The following MRPL15 variants were observed in gnomAD, a reference collection of about 807,000 sequenced individuals.
MRPL15 encodes large ribosomal subunit protein uL15m.
In MRPL15, 24 loss-of-function variants were observed where a neutral mutation model predicts 28.0. That is an observed-to-expected ratio of 0.86 (90% CI 0.62 to 1.21). The LOEUF is 1.21. MRPL15 is among the 50% of genes most tolerant of loss of function. The pLI, the probability that MRPL15 is intolerant of heterozygous loss-of-function variation, is 0.00. For missense variants in MRPL15, 343 were observed against 372.4 expected (o/e 0.92, Z 0.65); for synonymous variants, 124 against 137.0 (o/e 0.90, Z 0.66).
chr8:54,147,957 G>T lies in MRPL15; in HGVS notation c.*238G>T. 1 of 422,194 alleles carries T rather than the reference G, an allele frequency of 2.4e-6. No individual in the cohort carries two copies. The allele number at this position is 422,194 out of a possible 1,614,324, so 26.2% of individuals were successfully genotyped here. ...ACAAACTCCCTGATAGTCTATGGAA[G>T]GAAAATGACAACTATTTTAGAATAT... is the stretch of plus-strand genomic sequence containing the variant. On this transcript the variant is annotated 3_prime_UTR_variant, in exon 5 of 5. Transcript: ENST00000260102.
At chr8:54,146,794 T>A (rs1183638461) in intron 4 of MRPL15, among the ~76,000 whole-genome samples, 2 of 152,226 alleles carry the variant, frequency 1.3e-5, no homozygotes, top group Non-Finnish European at 2.9e-5. Context: ...GTAGGCCTTT[T>A]TTTCACTATC....
intron 4 of MRPL15, 81 bp downstream of exon 4, chr8:54,142,867 C>T (rs1172409750): frequency 5.1e-6 from 8 of 1,561,484 alleles, no homozygotes; most frequent in Non-Finnish European, 7.0e-6. Flanking sequence ...TAGTGAATGG[C>T]AAATGTTGGT....
At chr8:54,135,530 C>T (rs1298272749) in intron 1 of MRPL15, 139 bp downstream of exon 1, 8 of 543,892 alleles carry the variant, frequency 1.5e-5, no homozygotes, top group African/African-American at 9.9e-5. Context: ...CCTGTTCTCC[C>T]TTACTGCCCA....
At chr8:54,141,097 G>T (rs1434439629) in intron 3 of MRPL15, among the ~76,000 whole-genome samples, 2 of 152,020 alleles carry the variant, frequency 1.3e-5, no homozygotes, top group Admixed American at 1.3e-4. Flanking sequence ...TTAACCTCCT[G>T]CTGGCCTCTT....
rs1374148213 is a variant in MRPL15, at chr8:54,147,949, C to T, written c.*230C>T. On this transcript the variant is annotated 3_prime_UTR_variant, in exon 5 of 5. Transcript: ENST00000260102. ...TCAAAGATACAAACTCCCTGATAGT[C>T]TATGGAAGGAAAATGACAACTATTT... The T allele has an allele frequency of 5.0e-5, 22 of 444,086 alleles. No homozygotes were observed. Among genetic ancestry groups the T allele is most frequent in the Non-Finnish European group, 4.0e-5 (10 of 251,642 alleles). 27.5% of individuals were successfully genotyped at this position (444,086 alleles called of 1,614,324 possible). A position where few individuals can be genotyped will look rare whatever the true frequency, so the allele number is the denominator to read the frequency against.
rs1317030133 is a variant in MRPL15, at chr8:54,147,420, C to A, written c.592C>A (p.Gln198Lys). The change falls in exon 5 of 5, where the codon CAA becomes AAA. Residue 198 changes from glutamine to lysine, a missense_variant. Physicochemically the swap from Gln to Lys is moderately conservative, Grantham distance 53 (BLOSUM62 1). Coordinates refer to ENST00000260102, the MANE Select transcript of MRPL15 (RefSeq NM_014175.4). ...CKPVPFFLRG[Q>K]PIPKRMLPPE... ...ACCTGTTCCATTCTTTCTTCGTGGA[C>A]AACCCATTCCAAAAAGAATGCTTCC... 6.2e-7 allele frequency: 1 copy of A among 1,613,322 alleles called. No individual in the cohort carries two copies. The highest frequency in any genetic ancestry group is 8.5e-7 in the Non-Finnish European group (1 of 1,179,602).
intron 4 of MRPL15, among the ~76,000 whole-genome samples, chr8:54,145,889 C>G (rs1424420754): frequency 6.6e-6 from 1 of 152,198 alleles, no homozygotes; most frequent in Admixed American, 6.5e-5. Context: ...AGAGCATGAC[C>G]TGGCTTTAGG....
At position 54,147,511 on chromosome 8, in the gene MRPL15, A is replaced by G. The variant is rs935790007; in HGVS notation, c.683A>G (p.Lys228Arg). The G allele has an allele frequency of 1.2e-6, 2 of 1,614,064 alleles. No homozygotes were observed. Among genetic ancestry groups the G allele is most frequent in the African/African-American group, 1.3e-5 (1 of 74,920 alleles). The change falls in exon 5 of 5, where the codon AAA becomes AGA. Residue 228 changes from lysine to arginine, a missense_variant. Lys to Arg is a conservative substitution (Grantham distance 26). Coordinates refer to ENST00000260102, the MANE Select transcript of MRPL15 (RefSeq NM_014175.4). Reference protein sequence around the residue: ...KNRGYLADPAKFPEARLELAR... With the variant: ...KNRGYLADPARFPEARLELAR... The stretch of plus-strand genomic sequence containing the variant: ...CGTGGGTACCTGGCGGATCCTGCCA[A>G]ATTTCCTGAAGCACGACTTGAACTC...
chr8:54,135,943 C>G (rs535870762), intron 1 of MRPL15, among the ~76,000 whole-genome samples: 2 of 152,276 alleles, frequency 1.3e-5, no homozygotes, highest in East Asian at 3.9e-4. Context: ...AAATGTTTTC[C>G]CGGTGTATCT....
chr8:54,143,859 C>G (rs1810972843), intron 4 of MRPL15, among the ~76,000 whole-genome samples: 1 of 152,228 alleles, frequency 6.6e-6, no homozygotes, highest in African/African-American at 2.4e-5. Flanking sequence ...CTCTGCTGTT[C>G]CTCCTGCCTG....
chr8:54,135,301 G>T lies in MRPL15; in HGVS notation c.18G>T (p.Gln6His), dbSNP rs1330241198. 2.8e-6 allele frequency: 4 copies of T among 1,407,236 alleles called. No homozygotes were observed. The African/African-American group carries it at 6.0e-5, about 21-fold the overall frequency. 87.2% of individuals were successfully genotyped at this position (1,407,236 alleles called of 1,614,324 possible). ...TGCGGGTTATGGCCGGTCCCTTGCA[G>T]GGCGGTGGGGCCCGGGCCCTGGACC... MAGPLQGGGARALDLL... is the reference protein window; with the variant it reads MAGPLHGGGARALDLL... The change falls in exon 1 of 5, where the codon CAG becomes CAT. Residue 6 changes from glutamine (Q) to histidine (H), a missense_variant. Gln to His is a conservative substitution (Grantham distance 24). Transcript: ENST00000260102.
intron 3 of MRPL15, among the ~76,000 whole-genome samples, chr8:54,138,164 C>T (rs926595961): frequency 6.6e-6 from 1 of 151,692 alleles, no homozygotes; most frequent in Non-Finnish European, 1.5e-5. Context: ...CCATATTGGC[C>T]AAGCTGGTCT....
rs1586221233 is a variant in MRPL15, at chr8:54,148,496, G to A, written c.*777G>A. ...CTAGTAGAAGTCATGGGTCACGGAA[G>A]AGAACTGTGGAACCCAGTGACTAGT... On this transcript the variant is annotated 3_prime_UTR_variant, in exon 5 of 5. Coordinates refer to ENST00000260102, the MANE Select transcript of MRPL15 (RefSeq NM_014175.4). 6.6e-6 allele frequency among the ~76,000 whole-genome samples: 1 copy of A among 152,216 alleles called. No individual in the cohort carries two copies. The highest frequency in any genetic ancestry group is 2.4e-5 in the African/African-American group (1 of 41,468).
chr8:54,137,129 C>T (rs894069653), intron 2 of MRPL15, 139 bp from the exon 3 acceptor site: 2 of 803,476 alleles, frequency 2.5e-6, no homozygotes, highest in Non-Finnish European at 3.9e-6. Context: ...AGCAGTATTA[C>T]ATGTTTGTGT....
At position 54,146,134 on chromosome 8, in the gene MRPL15, C is replaced by T. The variant is rs775435789; in HGVS notation, c.554-1248C>T. ...GATACTGTTCCAGCTGATGGAGAGA[C>T]GATAGTGCAAGAGTCAAAAGTCCTT... On this transcript the variant is annotated intron_variant, in intron 4 of 4. Transcript: ENST00000260102. Among the ~76,000 whole-genome samples, 9 of 151,126 alleles carry T rather than the reference C, an allele frequency of 6.0e-5. No homozygotes were observed. The South Asian group carries it at 6.2e-4, about 10-fold the overall frequency.
chr8:54,142,707 G>T lies in MRPL15; in HGVS notation c.474G>T (p.Leu158Phe). 6.2e-7 allele frequency: 1 copy of T among 1,614,020 alleles called. No homozygotes were observed. Among genetic ancestry groups the T allele is most frequent in the African/African-American group, 1.3e-5 (1 of 75,012 alleles). ...CAAAAGTTAATATTGAAGTACAGTT[G>T]GCTTCAGAACTAGCTATTGCTGCCA... ...FTAKVNIEVQ[L>F]ASELAIAAIE... Residue 158 changes from leucine to phenylalanine, a missense_variant, in exon 4 of 5, where the codon TTG (leucine) becomes TTT (phenylalanine). Coordinates refer to ENST00000260102, the MANE Select transcript of MRPL15 (RefSeq NM_014175.4).
At chr8:54,136,697 C>A (rs1490478317) in intron 2 of MRPL15, 32 bp downstream of exon 2, 1 of 1,557,078 alleles carries the variant, frequency 6.4e-7, no homozygotes. Flanking sequence ...AAGTACAGGT[C>A]CCCAATTTCC....
intron 3 of MRPL15, among the ~76,000 whole-genome samples, chr8:54,138,152 C>T (rs191242537): frequency 2.6e-5 from 4 of 151,598 alleles, no homozygotes; most frequent in Non-Finnish European, 4.4e-5. Context: ...GATGGAGTTT[C>T]GCCATATTGG....
chr8:54,135,398 G>A lies in MRPL15; in HGVS notation c.108+7G>A. 1.3e-6 allele frequency: 2 copies of A among 1,527,522 alleles called. No homozygotes were observed. Among genetic ancestry groups the A allele is most frequent in the Middle Eastern group, 1.7e-4 (1 of 5,896 alleles). The allele number at this position is 1,527,522 out of a possible 1,614,324, so 94.6% of individuals were successfully genotyped here. A position where few individuals can be genotyped will look rare whatever the true frequency, so the allele number is the denominator to read the frequency against. On this transcript the variant is annotated splice_region_variant and intron_variant, in intron 1 of 4. Coordinates refer to ENST00000260102, the MANE Select transcript of MRPL15 (RefSeq NM_014175.4). Reference sequence around the variant, plus strand: ...TCCCGGCTCCAAGAAACCGGTAAATGGGTGGTGGCGGTGCGGGGAAGCGCT... The same window carrying A: ...TCCCGGCTCCAAGAAACCGGTAAATAGGTGGTGGCGGTGCGGGGAAGCGCT...
Sources: gnomAD v4.1 joint callset for allele counts (sites outside exome capture counted in the v4.1 genomes callset) on GRCh38, gnomAD v4.1.1 for gene constraint, MANE v1.5 for transcripts, NCBI Gene and HGNC (gene_info 2026-07-23, HGNC 2026-07-21) for gene names.